Variants in DOK6 observed in about 807,000 individuals in gnomAD.
DOK6 encodes the protein docking protein 6.
In DOK6, 22 loss-of-function variants were observed where a neutral mutation model predicts 44.0. The ratio of observed to expected loss-of-function variants is 0.50; its 90% CI spans 0.36 to 0.71. The LOEUF is 0.71. Among genes scored for constraint, DOK6 ranks in the 30% least tolerant of loss-of-function variants. The pLI is 0.00. For missense variants in DOK6, 340 were observed against 416.4 expected (o/e 0.82, Z 1.60); for synonymous variants, 166 against 145.5 (o/e 1.14, Z -1.01).
At chr18:69,469,621 GT>G (rs1227724559) in intron 1 of DOK6, 1 of 224,606 alleles carries the variant, frequency 4.5e-6, no homozygotes, top group Non-Finnish European at 9.3e-6. Flanking sequence ...CTCAGGCTTG[GT>G]GCTGCTAGCC....
At chr18:69,498,651 A>C (rs1980963244) in intron 1 of DOK6, among the ~76,000 whole-genome samples, 1 of 152,166 alleles carries the variant, frequency 6.6e-6, no homozygotes, top group African/African-American at 2.4e-5. Flanking sequence ...CAGTTAGCCT[A>C]TATTGGGGGG....
chr18:69,638,187 G>A (rs1210063767), intron 3 of DOK6, among the ~76,000 whole-genome samples: 2 of 152,192 alleles, frequency 1.3e-5, no homozygotes, highest in South Asian at 4.1e-4. Flanking sequence ...GTTGTAGTGC[G>A]GAAGCAGTGA....
chr18:69,705,525 A>G (rs1471851431), intron 5 of DOK6, among the ~76,000 whole-genome samples: 1 of 152,206 alleles, frequency 6.6e-6, no homozygotes, highest in East Asian at 1.9e-4. Context: ...CCCAGGGCAA[A>G]GAATTAACAG....
chr18:69,724,750 T>C (rs927733718), intron 5 of DOK6: 5 of 152,188 alleles, frequency 3.3e-5, no homozygotes, highest in Admixed American at 6.5e-5. Context: ...CCATCTTACG[T>C]CACTGCTCAA....
At chr18:69,816,347 A>G (rs1713105074) in intron 7 of DOK6, among the ~76,000 whole-genome samples, 4 of 152,168 alleles carry the variant, frequency 2.6e-5, no homozygotes. Flanking sequence ...CTCTTGTGCT[A>G]TATGTTCCTC....
At chr18:69,821,825 C>T (rs930047869) in intron 7 of DOK6, among the ~76,000 whole-genome samples, 1 of 149,312 alleles carries the variant, frequency 6.7e-6, no homozygotes, top group East Asian at 2.0e-4. Flanking sequence ...AAGACTCTTG[C>T]CATCAAAACA....
intron 1 of DOK6, among the ~76,000 whole-genome samples, chr18:69,558,476 AT>A (rs5825954): frequency 4.6e-4 from 69 of 151,492 alleles, no homozygotes; most frequent in Admixed American, 1.3e-3. Flanking sequence ...TTATTAAATG[AT>A]TTTTTTTTGC....
At chr18:69,590,598 T>G (rs945850541) in intron 2 of DOK6, among the ~76,000 whole-genome samples, 9 of 152,170 alleles carry the variant, frequency 5.9e-5, no homozygotes, top group Non-Finnish European at 1.3e-4. Context: ...ATGGAAAGCC[T>G]TCTAGTTCTT....
chr18:69,691,269 G>T (rs1440745197), intron 4 of DOK6, among the ~76,000 whole-genome samples: 1 of 152,014 alleles, frequency 6.6e-6, no homozygotes, highest in Non-Finnish European at 1.5e-5. Context: ...TCTGTATTGT[G>T]GCCACAGAGC....
intron 3 of DOK6, among the ~76,000 whole-genome samples, chr18:69,671,095 C>T (rs565527311): frequency 2.0e-5 from 3 of 152,182 alleles, no homozygotes; most frequent in African/African-American, 7.2e-5. Flanking sequence ...GTTTTAAGCT[C>T]TTGTGTCATT....
intron 1 of DOK6, among the ~76,000 whole-genome samples, chr18:69,454,786 A>G (rs941147906): frequency 4.8e-5 from 7 of 145,996 alleles, no homozygotes; most frequent in African/African-American, 1.0e-4. Context: ...GGAAATCATC[A>G]TTCTCAGTAA....
intron 1 of DOK6, among the ~76,000 whole-genome samples, chr18:69,406,342 A>G (rs1237951812): frequency 6.6e-6 from 1 of 152,236 alleles, no homozygotes; most frequent in African/African-American, 2.4e-5. Flanking sequence ...CTGTCTGCAT[A>G]TGAACATGTC....
At chr18:69,624,283 T>A (rs192265136) in intron 3 of DOK6, among the ~76,000 whole-genome samples, 3 of 152,234 alleles carry the variant, frequency 2.0e-5, no homozygotes, top group African/African-American at 7.2e-5. Flanking sequence ...CCAAATAGAT[T>A]TAGTAAATCA....
intron 5 of DOK6, among the ~76,000 whole-genome samples, chr18:69,709,462 T>C (rs1362473558): frequency 1.3e-5 from 2 of 152,184 alleles, no homozygotes; most frequent in Non-Finnish European, 2.9e-5. Flanking sequence ...CTACTTTTGT[T>C]GGGAAAATGT....
At chr18:69,661,659 A>G (rs980881343) in intron 3 of DOK6, 4 of 152,222 alleles carry the variant, frequency 2.6e-5, no homozygotes, top group African/African-American at 7.2e-5. Flanking sequence ...GATAATATAA[A>G]AATGCAACAT....
chr18:69,459,187 TTGTG>T (rs71176967), intron 1 of DOK6, among the ~76,000 whole-genome samples: 14,522 of 136,722 alleles, frequency 0.11, 965 homozygotes, highest in African/African-American at 0.2. Context: ...AAAAAATATT[TTGTG>T]TGTGTGTGTG....
chr18:69,597,935 AC>A (rs1983784469), intron 2 of DOK6, among the ~76,000 whole-genome samples: 1 of 152,218 alleles, frequency 6.6e-6, no homozygotes, highest in African/African-American at 2.4e-5. Context: ...ATCAACTGTA[AC>A]TTTAAAAAAT....
intron 3 of DOK6, among the ~76,000 whole-genome samples, chr18:69,623,407 C>A (rs9961498): frequency 6.6e-6 from 1 of 151,466 alleles, no homozygotes; most frequent in African/African-American, 2.4e-5. Flanking sequence ...ATAACATTTT[C>A]CAGCATAAAA....
chr18:69,841,427 A>G lies in DOK6; in HGVS notation c.*44A>G, dbSNP rs1982216984. ...TGACTAGAGAGACAGTCTGTCCTGG[A>G]CCCGTCTGTGGGGTCATTACCCTCT... On this transcript the variant is annotated 3_prime_UTR_variant, in exon 8 of 8. Coordinates refer to ENST00000382713, the MANE Select transcript of DOK6 (RefSeq NM_152721.6). 5 of 1,611,482 alleles carry G rather than the reference A, an allele frequency of 3.1e-6. No homozygotes were observed. Among genetic ancestry groups the G allele is most frequent in the African/African-American group, 1.3e-5 (1 of 74,950 alleles).
Sources: gnomAD v4.1 joint callset for allele counts (sites outside exome capture counted in the v4.1 genomes callset) on GRCh38, gnomAD v4.1.1 for gene constraint, MANE v1.5 for transcripts, NCBI Gene and HGNC (gene_info 2026-07-23, HGNC 2026-07-21) for gene names.